The following FARP1 variants were observed in gnomAD, a reference collection of about 807,000 sequenced individuals.
FARP1 encodes the protein FERM, ARH/RhoGEF and pleckstrin domain protein 1.
Under a neutral mutation model 128.8 loss-of-function variants are expected in FARP1, and 52 were observed. That is an observed-to-expected ratio of 0.40 (90% CI 0.32 to 0.51). The LOEUF is 0.51. Ranked by LOEUF, FARP1 falls within the 20% of genes least tolerant of loss-of-function variation. The pLI, the probability that FARP1 is intolerant of heterozygous loss-of-function variation, is 0.45. For missense variants in FARP1, 1,333 were observed against 1,367.9 expected (o/e 0.97, Z 0.40); for synonymous variants, 580 against 551.8 (o/e 1.05, Z -0.72).
Position 98,237,126 on chromosome 13 carries a change from G to A in FARP1, c.171+23713G>A, listed in dbSNP as rs578227183. Among the ~76,000 whole-genome samples the A allele has an allele frequency of 5.3e-5, 8 of 152,020 alleles. No homozygotes were observed. In the South Asian group the frequency reaches 1.2e-3, roughly 24 times the overall value. On this transcript the variant is annotated intron_variant, in intron 2 of 26. Coordinates refer to ENST00000319562, the MANE Select transcript of FARP1 (RefSeq NM_005766.4). ...TCAAGACCAGCCTGACCAACATGGC[G>A]AAAACCCATCTCTACTAAAAATACA...
At chr13:98,326,471 T>A (rs1887238143) in intron 2 of FARP1, among the ~76,000 whole-genome samples, 1 of 152,132 alleles carries the variant, frequency 6.6e-6, no homozygotes, top group Non-Finnish European at 1.5e-5. Context: ...CATTTCCCCC[T>A]CCCTTGGCCC....
At chr13:98,259,688 T>G (rs73555098) in intron 2 of FARP1, among the ~76,000 whole-genome samples, 3,867 of 152,240 alleles carry the variant, frequency 0.025, 164 homozygotes, top group African/African-American at 0.088. Context: ...CATTTGATTT[T>G]TTTTCCAAGA....
At chr13:98,367,233 T>G (rs1889124882) in intron 4 of FARP1, among the ~76,000 whole-genome samples, 1 of 152,166 alleles carries the variant, frequency 6.6e-6, no homozygotes, top group South Asian at 2.1e-4. Flanking sequence ...CTCTGCTCAC[T>G]GCCATCTCCA....
chr13:98,213,467 T>C (rs1880859296), intron 2 of FARP1, 54 bp downstream of exon 2: 3 of 1,569,592 alleles, frequency 1.9e-6, no homozygotes, highest in Non-Finnish European at 2.6e-6. Context: ...CAGCCTTTGG[T>C]GTGAGGAGGT....
chr13:98,252,673 A>G (rs1883400649), intron 2 of FARP1, among the ~76,000 whole-genome samples: 1 of 152,184 alleles, frequency 6.6e-6, no homozygotes, highest in African/African-American at 2.4e-5. Context: ...ACATTTATTG[A>G]AGACCTTTGT....
chr13:98,252,137 C>T (rs1429918792), intron 2 of FARP1, among the ~76,000 whole-genome samples: 6 of 152,236 alleles, frequency 3.9e-5, no homozygotes, highest in South Asian at 2.1e-4. Context: ...CGTGAGCCAC[C>T]GTGCCCACCT....
chr13:98,415,540 A>C (rs1382311655), intron 16 of FARP1, among the ~76,000 whole-genome samples: 1 of 152,250 alleles, frequency 6.6e-6, no homozygotes, highest in Non-Finnish European at 1.5e-5. Flanking sequence ...GCAGGCACAT[A>C]GGGCACAGAG....
chr13:98,310,852 G>GC (rs1013666532), intron 2 of FARP1, among the ~76,000 whole-genome samples: 2 of 152,122 alleles, frequency 1.3e-5, no homozygotes, highest in Non-Finnish European at 2.9e-5. Context: ...CCTTCCTCCT[G>GC]CCCCCTTGCA....
rs191116558 is a variant in FARP1 at position 98,179,726 on chromosome 13, G to A, written c.-23-33494G>A. On this transcript the variant is annotated intron_variant, in intron 1 of 26. Transcript: ENST00000319562. Reference sequence around the variant, plus strand: ...AAAAAAATTAGCTGGGCGTGGTGGCGGGTGCCTGTAGCCCCAGCTACTCGG... The same window carrying A: ...AAAAAAATTAGCTGGGCGTGGTGGCAGGTGCCTGTAGCCCCAGCTACTCGG... 5.9e-3 allele frequency among the ~76,000 whole-genome samples: 895 copies of A among 152,016 alleles called. 13 individuals carry two copies. The highest frequency in any genetic ancestry group is 0.02 in the African/African-American group (822 of 41,420).
intron 1 of FARP1, among the ~76,000 whole-genome samples, chr13:98,163,823 C>G (rs1877055116): frequency 6.6e-6 from 1 of 152,078 alleles, no homozygotes; most frequent in Non-Finnish European, 1.5e-5. Flanking sequence ...ATTCTCCTGC[C>G]TCAGCCTCCC....
intron 2 of FARP1, among the ~76,000 whole-genome samples, chr13:98,275,995 C>T (rs1315405969): frequency 6.6e-6 from 1 of 152,140 alleles, no homozygotes; most frequent in Admixed American, 6.6e-5. Context: ...TATGGAAAGT[C>T]CTAAGTGATC....
At chr13:98,255,204 A>G (rs1470046510) in intron 2 of FARP1, among the ~76,000 whole-genome samples, 2 of 152,208 alleles carry the variant, frequency 1.3e-5, no homozygotes, top group African/African-American at 4.8e-5. Context: ...TGTAAATGTA[A>G]AAGTGGTTGC....
chr13:98,189,460 G>A (rs1260981760), intron 1 of FARP1, among the ~76,000 whole-genome samples: 1 of 152,102 alleles, frequency 6.6e-6, no homozygotes, highest in Non-Finnish European at 1.5e-5. Context: ...AGGCAGACAA[G>A]AACAGCTTTT....
chr13:98,190,693 C>G (rs1879166811), intron 1 of FARP1, among the ~76,000 whole-genome samples: 1 of 151,782 alleles, frequency 6.6e-6, no homozygotes, highest in Non-Finnish European at 1.5e-5. Context: ...TCCTGAGAAG[C>G]TAGGACTATA....
intron 2 of FARP1, among the ~76,000 whole-genome samples, chr13:98,295,590 C>T (rs1885652121): frequency 6.6e-6 from 1 of 152,200 alleles, no homozygotes; most frequent in African/African-American, 2.4e-5. Context: ...CTGGGTGAGT[C>T]AGTTTCTTAT....
intron 1 of FARP1, among the ~76,000 whole-genome samples, chr13:98,187,206 A>C (rs945720442): frequency 6.6e-6 from 1 of 152,098 alleles, no homozygotes; most frequent in African/African-American, 2.4e-5. Context: ...TCTTTCCAAA[A>C]TGATTGCACT....
chr13:98,267,045 A>G (rs1566812547), intron 2 of FARP1, among the ~76,000 whole-genome samples: 1 of 151,448 alleles, frequency 6.6e-6, no homozygotes, highest in African/African-American at 2.4e-5. Context: ...GGGGTGGTAT[A>G]CAAGTGCAGA....
chr13:98,414,923 G>A (rs189687225), intron 16 of FARP1, among the ~76,000 whole-genome samples: 42 of 152,342 alleles, frequency 2.8e-4, no homozygotes, highest in Admixed American at 2.0e-3. Flanking sequence ...AAGGGCATAC[G>A]CATCTTCTTA....
chr13:98,445,619 T>A (rs1439742202), intron 24 of FARP1: 1 of 154,146 alleles, frequency 6.5e-6, no homozygotes, highest in Non-Finnish European at 1.4e-5. Context: ...GGATGGATCT[T>A]TCCCTCCTTC....
Sources: allele counts gnomAD v4.1 joint callset (sites outside exome capture counted in the v4.1 genomes callset), GRCh38; gene constraint gnomAD v4.1.1; transcripts MANE v1.5; gene names NCBI Gene and HGNC (gene_info 2026-07-23, HGNC 2026-07-21).